GALNT13: variants seen among roughly 807,000 people sequenced by gnomAD.
The protein encoded by GALNT13 is polypeptide N-acetylgalactosaminyltransferase 13.
Under a neutral mutation model 64.2 loss-of-function variants are expected in GALNT13, and 28 were observed. The observed-to-expected ratio is 0.44, with a 90% CI of 0.32 to 0.60. The LOEUF is 0.60. Among genes scored for constraint, GALNT13 ranks in the 20% least tolerant of loss-of-function variants. The pLI is 0.05. For synonymous variants in GALNT13, 214 were observed against 224.6 expected (o/e 0.95, Z 0.42); for missense variants, 577 against 669.8 (o/e 0.86, Z 1.53).
intron 3 of GALNT13, among the ~76,000 whole-genome samples, chr2:154,012,142 G>C (rs1338743310): frequency 6.6e-6 from 1 of 152,156 alleles, no homozygotes; most frequent in African/African-American, 2.4e-5. Context: ...AGACTGGATT[G>C]TGTAAGTGCT....
chr2:154,242,263 G>C, intron 5 of GALNT13, 67 bp downstream of exon 5: 1 of 1,422,048 alleles, frequency 7.0e-7, no homozygotes, highest in South Asian at 1.3e-5. Flanking sequence ...TTTTGTATTA[G>C]AAAGCTTTAT....
At chr2:153,962,739 A>AT (rs1693030012) in intron 3 of GALNT13, among the ~76,000 whole-genome samples, 1 of 152,172 alleles carries the variant, frequency 6.6e-6, no homozygotes, top group African/African-American at 2.4e-5. Flanking sequence ...TGGATCTCAG[A>AT]TTTAATCTCA....
chr2:153,249,345 A>C, the GALNT13 span, among the ~76,000 whole-genome samples: 1 of 152,208 alleles, frequency 6.6e-6, no homozygotes, highest in African/African-American at 2.4e-5. Context: ...CTTCAAGGAG[A>C]ACTACAAATC....
At chr2:153,077,500 C>G in the GALNT13 span, among the ~76,000 whole-genome samples, 3,783 of 152,042 alleles carry the variant, frequency 0.025, 163 homozygotes, top group African/African-American at 0.084. Context: ...CAGATTGGTT[C>G]CAGTCATAAA....
chr2:153,516,775 A>C, the GALNT13 span, among the ~76,000 whole-genome samples: 1 of 152,228 alleles, frequency 6.6e-6, no homozygotes. Flanking sequence ...CATGAATTCC[A>C]TTTTTAAAAA....
the GALNT13 span, among the ~76,000 whole-genome samples, chr2:153,739,427 T>C: frequency 6.6e-6 from 1 of 151,120 alleles, no homozygotes; most frequent in Admixed American, 6.6e-5. Flanking sequence ...GTTTTCTTCA[T>C]TTTCCATACT....
intron 4 of GALNT13, among the ~76,000 whole-genome samples, chr2:154,157,307 C>T (rs1684477789): frequency 6.6e-6 from 1 of 152,176 alleles, no homozygotes; most frequent in Non-Finnish European, 1.5e-5. Context: ...CCAGTTACAA[C>T]CAGCCCATCC....
At chr2:153,512,375 C>T in the GALNT13 span, among the ~76,000 whole-genome samples, 4 of 152,092 alleles carry the variant, frequency 2.6e-5, no homozygotes, top group Non-Finnish European at 5.9e-5. Flanking sequence ...GAACAATACC[C>T]GTGGAAGTAA....
At chr2:153,757,442 A>G in the GALNT13 span, among the ~76,000 whole-genome samples, 1 of 152,194 alleles carries the variant, frequency 6.6e-6, no homozygotes, top group Admixed American at 6.5e-5. Context: ...CCAAAACTTG[A>G]CAATTATAAA....
the GALNT13 span, among the ~76,000 whole-genome samples, chr2:153,859,581 A>T: frequency 6.6e-6 from 1 of 152,182 alleles, no homozygotes; most frequent in East Asian, 1.9e-4. Context: ...AGAGGAAACA[A>T]ATAAGACAAA....
chr2:153,789,697 CAAAGA>C, the GALNT13 span, among the ~76,000 whole-genome samples: 1 of 151,920 alleles, frequency 6.6e-6, no homozygotes, highest in Non-Finnish European at 1.5e-5. Context: ...GCTAGACTAA[CAAAGA>C]AAAGAGAGAA....
intron 3 of GALNT13, among the ~76,000 whole-genome samples, chr2:154,128,484 T>C (rs776320234): frequency 1.3e-5 from 2 of 152,058 alleles, no homozygotes; most frequent in Non-Finnish European, 2.9e-5. Flanking sequence ...TAACAGAAAA[T>C]GTCCAGAGGC....
intron 3 of GALNT13, among the ~76,000 whole-genome samples, chr2:154,070,320 T>C (rs1372085868): frequency 6.6e-6 from 1 of 152,158 alleles, no homozygotes; most frequent in Non-Finnish European, 1.5e-5. Context: ...TTTCTAAAAT[T>C]TCTATAGTTC....
chr2:153,541,881 A>G, the GALNT13 span, among the ~76,000 whole-genome samples: 1 of 152,228 alleles, frequency 6.6e-6, no homozygotes, highest in Non-Finnish European at 1.5e-5. Context: ...CTCTTGTGTT[A>G]TATGAAACTA....
chr2:153,868,281 A>C (rs1685798454), upstream of GALNT13, among the ~76,000 whole-genome samples: 1 of 152,112 alleles, frequency 6.6e-6, no homozygotes, highest in African/African-American at 2.4e-5. Context: ...TGTCTTCAAA[A>C]CCTATTGCAG....
chr2:153,986,259 T>G (rs1694794589), intron 3 of GALNT13, among the ~76,000 whole-genome samples: 1 of 152,022 alleles, frequency 6.6e-6, no homozygotes, highest in Admixed American at 6.6e-5. Context: ...CAACACTTTC[T>G]TTTAAAATTT....
the GALNT13 span, among the ~76,000 whole-genome samples, chr2:153,847,464 A>G: frequency 6.6e-6 from 1 of 152,112 alleles, no homozygotes; most frequent in East Asian, 1.9e-4. Flanking sequence ...TGGAAATATA[A>G]CATATTGCAA....
chr2:153,938,223 A>G (rs1691088641), intron 2 of GALNT13, among the ~76,000 whole-genome samples: 1 of 152,188 alleles, frequency 6.6e-6, no homozygotes, highest in Non-Finnish European at 1.5e-5. Context: ...TTGGACTTGT[A>G]GAATTTGGTA....
the GALNT13 span, among the ~76,000 whole-genome samples, chr2:153,295,052 A>G: frequency 6.6e-6 from 1 of 152,168 alleles, no homozygotes; most frequent in Non-Finnish European, 1.5e-5. Flanking sequence ...CTTTAAATAG[A>G]CACAGGTGAA....
Sources: gnomAD v4.1 joint callset for allele counts (sites outside exome capture counted in the v4.1 genomes callset) on GRCh38, gnomAD v4.1.1 for gene constraint, MANE v1.5 for transcripts, NCBI Gene and HGNC (gene_info 2026-07-23, HGNC 2026-07-21) for gene names.